The following STYXL1 variants were observed in gnomAD, a reference collection of about 807,000 sequenced individuals.
STYXL1 encodes serine/threonine/tyrosine interacting like 1, also known as serine/threonine/tyrosine-interacting-like protein 1.
Under a neutral mutation model 36.4 loss-of-function variants are expected in STYXL1, and 32 were observed. That is an observed-to-expected ratio of 0.88 (90% confidence interval 0.66 to 1.18). The LOEUF (loss-of-function observed/expected upper bound fraction) is 1.18, where lower values mean the gene tolerates loss of function less well. STYXL1 is among the 50% of genes most tolerant of loss of function. The pLI is 0.00. For synonymous variants in STYXL1, 133 were observed against 144.1 expected (o/e 0.92, Z 0.55); for missense variants, 354 against 394.1 (o/e 0.90, Z 0.86).
intron 8 of STYXL1, 40 bp downstream of exon 8, chr7:76,000,850 G>T (rs368977921): frequency 1.6e-5 from 26 of 1,579,604 alleles, no homozygotes; most frequent in Non-Finnish European, 2.0e-5. Context: ...CACCTCCCAG[G>T]GGGTGGCCGT....
chr7:76,016,988 G>A (rs1266039642), intron 4 of STYXL1, among the ~76,000 whole-genome samples: 1 of 151,892 alleles, frequency 6.6e-6, no homozygotes, highest in Admixed American at 6.6e-5. Context: ...TCAACTCAAG[G>A]GCCCATCAAC....
chr7:76,041,166 C>A (rs1315031581), intron 1 of STYXL1, among the ~76,000 whole-genome samples: 1 of 150,608 alleles, frequency 6.6e-6, no homozygotes, highest in Non-Finnish European at 1.5e-5. Context: ...GTGAGAACCT[C>A]CCCCCATCTC....
intron 4 of STYXL1, among the ~76,000 whole-genome samples, chr7:76,016,364 G>A (rs1793345123): frequency 6.7e-6 from 1 of 148,562 alleles, no homozygotes; most frequent in African/African-American, 2.6e-5. Context: ...ATACGTATGT[G>A]TGCACATATA....
chr7:76,015,830 G>A (rs1272739889), intron 4 of STYXL1, among the ~76,000 whole-genome samples: 1 of 152,142 alleles, frequency 6.6e-6, no homozygotes, highest in East Asian at 1.9e-4. Flanking sequence ...ATCTGAGTGG[G>A]CACCATCTAA....
chr7:76,036,871 G>A (rs1219319097), intron 1 of STYXL1, among the ~76,000 whole-genome samples: 3 of 131,134 alleles, frequency 2.3e-5, no homozygotes, highest in Non-Finnish European at 3.2e-5. Flanking sequence ...TGCAACCTCC[G>A]CCTCCCGGGT....
At chr7:76,018,255 T>TA (rs2115944236) in intron 4 of STYXL1, among the ~76,000 whole-genome samples, 1 of 152,274 alleles carries the variant, frequency 6.6e-6, no homozygotes, top group African/African-American at 2.4e-5. Context: ...CAGCTCCACT[T>TA]AACCACTCAT....
At chr7:76,019,287 T>C (rs536348017) in intron 4 of STYXL1, among the ~76,000 whole-genome samples, 4 of 152,070 alleles carry the variant, frequency 2.6e-5, no homozygotes, top group South Asian at 2.1e-4. Flanking sequence ...TTTTTCTTTT[T>C]TTTTTTTTTT....
At chr7:76,037,604 G>A (rs939343978) in intron 1 of STYXL1, among the ~76,000 whole-genome samples, 6 of 149,990 alleles carry the variant, frequency 4.0e-5, no homozygotes, top group Non-Finnish European at 8.9e-5. Flanking sequence ...CCTGACTGAC[G>A]GTGGAGGTGT....
At chr7:76,032,378 AAC>A (rs1314519952) in intron 1 of STYXL1, among the ~76,000 whole-genome samples, 2 of 145,676 alleles carry the variant, frequency 1.4e-5, no homozygotes, top group Non-Finnish European at 3.0e-5. Flanking sequence ...CCGTCTGGGC[AAC>A]AGAGTGAGAC....
intron 4 of STYXL1, among the ~76,000 whole-genome samples, chr7:76,021,140 T>C (rs1794011292): frequency 1.3e-5 from 2 of 151,226 alleles, no homozygotes; most frequent in Admixed American, 6.6e-5. Context: ...TGCAGTGGCG[T>C]GATCTCCGCT....
chr7:76,000,455 G>A (rs1554566567), intron 8 of STYXL1: 2 of 457,386 alleles, frequency 4.4e-6, no homozygotes, highest in Admixed American at 4.7e-5. Context: ...CTGTGAGTTA[G>A]GAGCTCCGAG....
At chr7:76,033,342 C>T (rs764309682) in intron 1 of STYXL1, among the ~76,000 whole-genome samples, 1 of 151,512 alleles carries the variant, frequency 6.6e-6, no homozygotes, top group Admixed American at 6.6e-5. Context: ...GGGGGTCTCA[C>T]ACTATGTTGC....
intron 4 of STYXL1, among the ~76,000 whole-genome samples, chr7:76,020,266 C>CAG (rs1200985228): frequency 8.5e-5 from 13 of 152,176 alleles, no homozygotes; most frequent in African/African-American, 2.7e-4. Context: ...GACAAAAGTC[C>CAG]AGACAGCTGG....
rs1174620781 is a variant in STYXL1, at chr7:76,036,302, T to C, written c.-4-5775A>G. ...TTTTAGTAGTGACGGGGTTTCACCA[T>C]GTTGGCCAGGCTGGCCTCGAACTCC... On this transcript the variant is annotated intron_variant, in intron 1 of 8. Coordinates refer to ENST00000359697, the MANE Select transcript of STYXL1 (RefSeq NM_001317785.2). 2.0e-5 allele frequency among the ~76,000 whole-genome samples: 3 copies of C among 149,852 alleles called. 1 individual carries two copies. The highest frequency in any genetic ancestry group is 3.0e-5 in the Non-Finnish European group (2 of 67,000).
chr7:76,001,384 TGAC>T (rs1176366795), intron 7 of STYXL1, among the ~76,000 whole-genome samples: 5 of 152,352 alleles, frequency 3.3e-5, no homozygotes, highest in Admixed American at 2.0e-4. Context: ...GTGCCAATCC[TGAC>T]TGCCACTCAC....
chr7:76,017,456 A>G (rs1359847993), intron 4 of STYXL1, among the ~76,000 whole-genome samples: 1 of 152,176 alleles, frequency 6.6e-6, no homozygotes, highest in Admixed American at 6.6e-5. Flanking sequence ...ACTAACACAG[A>G]TATAGAAAAC....
intron 1 of STYXL1, among the ~76,000 whole-genome samples, chr7:76,031,836 A>T (rs1444012773): frequency 6.6e-6 from 1 of 152,190 alleles, no homozygotes; most frequent in Non-Finnish European, 1.5e-5. Flanking sequence ...TTGCTTATTT[A>T]GCAAATAATT....
At chr7:76,000,363 G>A (rs1350055855) in intron 8 of STYXL1, 2 of 454,192 alleles carry the variant, frequency 4.4e-6, no homozygotes, top group East Asian at 7.0e-5. Flanking sequence ...CTGGGCAAAT[G>A]TTGGGGCTTT....
intron 8 of STYXL1, among the ~76,000 whole-genome samples, chr7:75,999,515 G>GTTTA (rs782180038): frequency 1.1e-5 from 1 of 93,184 alleles, no homozygotes. Context: ...GTGTGTATGT[G>GTTTA]TGTGTGTGTG....
Sources: allele counts gnomAD v4.1 joint callset (sites outside exome capture counted in the v4.1 genomes callset), GRCh38; gene constraint gnomAD v4.1.1; transcripts MANE v1.5; gene names NCBI Gene and HGNC (gene_info 2026-07-23, HGNC 2026-07-21).